The following TAF1A variants were observed in gnomAD, a reference collection of about 807,000 sequenced individuals.
TAF1A encodes TATA box-binding protein-associated factor RNA polymerase I subunit A.
A neutral mutation model predicts 61.6 loss-of-function variants in TAF1A; 42 were observed. The ratio of observed to expected loss-of-function variants is 0.68; its 90% CI spans 0.53 to 0.88. The LOEUF is 0.88. Among genes scored for constraint, TAF1A ranks in the 40% least tolerant of loss-of-function variants. The probability of loss-of-function intolerance (pLI) is 0.00; values close to 1 mark genes in which losing one functional copy is unlikely to be tolerated. For missense variants in TAF1A, 424 were observed against 518.7 expected (o/e 0.82, Z 1.77); for synonymous variants, 179 against 177.7 (o/e 1.01, Z -0.06).
rs201355467 is a variant in TAF1A at position 222,585,349 on chromosome 1, TA to T, written c.122-1053del. Among the ~76,000 whole-genome samples, 1,159 of 151,146 alleles carry T rather than the reference TA, an allele frequency of 7.7e-3. 10 individuals are homozygous for T. The highest frequency in any genetic ancestry group is 0.027 in the African/African-American group (1,100 of 41,098). ...AAGGTTTCTCAGAATTTATGTCAAT[TA>T]AAAAAAATAGCAGAATCAATGCTAA... On this transcript the variant is annotated intron_variant, in intron 2 of 10. Transcript: ENST00000352967.
chr1:222,568,691 T>C (rs1276817364), intron 7 of TAF1A: 1 of 152,220 alleles, frequency 6.6e-6, no homozygotes, highest in Non-Finnish European at 1.5e-5. Context: ...AGCTGGGCAG[T>C]TTCTTAGGAA....
Position 222,569,688 on chromosome 1 carries a change from A to G in TAF1A, c.736-20T>C, listed in dbSNP as rs1191922917. ...CAGCATCTATATAAAATAAATCATA[A>G]TATCTTAGCTGAATTCTGTAAGACA... On this transcript the variant is annotated intron_variant, in intron 6 of 10. Coordinates refer to ENST00000352967, the MANE Select transcript of TAF1A (RefSeq NM_005681.4). 9 of 1,597,452 alleles carry G rather than the reference A, an allele frequency of 5.6e-6. No individual in the cohort carries two copies. The highest frequency in any genetic ancestry group is 6.8e-6 in the Non-Finnish European group (8 of 1,173,790).
At chr1:222,577,392 T>TCCCTCTGC in intron 5 of TAF1A, 53 bp downstream of exon 5, 1 of 1,451,776 alleles carries the variant, frequency 6.9e-7, no homozygotes, top group Non-Finnish European at 9.6e-7. Flanking sequence ...CTCCTTAAGA[T>TCCCTCTGC]CCCTCTGCCC....
At chr1:222,564,011 A>T (rs764175181) in intron 8 of TAF1A, 48 bp downstream of exon 8, 33 of 1,172,848 alleles carry the variant, frequency 2.8e-5, no homozygotes, top group Non-Finnish European at 4.1e-5. Flanking sequence ...GCTGGTCCCT[A>T]GTCTATAGCT....
At chr1:222,577,402 C>T (rs3008644) in intron 5 of TAF1A, 43 bp downstream of exon 5, 198,395 of 1,518,688 alleles carry the variant, frequency 0.13, 13,719 homozygotes, top group East Asian at 0.14. Flanking sequence ...TCCCTCTGCC[C>T]CTCAGTCTCA....
At chr1:222,583,456 AAG>A (rs1192459417) in intron 3 of TAF1A, among the ~76,000 whole-genome samples, 1 of 152,160 alleles carries the variant, frequency 6.6e-6, no homozygotes, top group Non-Finnish European at 1.5e-5. Flanking sequence ...TAGTTGGAAA[AAG>A]AGAACAACTC....
rs746134851 is a variant in TAF1A at position 222,588,426 on chromosome 1, G to GTTA, written c.121+14_121+16dup. ...CTCCTTAAAGTTAAAATGGCTCAAT[G>GTTA]TTATTATTTTACTTACCCACAGTTT... On this transcript the variant is annotated intron_variant, in intron 2 of 10. Transcript: ENST00000352967. 13 of 1,610,058 alleles carry GTTA rather than the reference G, an allele frequency of 8.1e-6. No homozygotes were observed. The African/African-American group carries it at 1.6e-4, about 20-fold the overall frequency.
In TAF1A at chr1:222,569,548, G is replaced by C; in HGVS notation, c.856C>G (p.Gln286Glu). Residue 286 changes from glutamine (Q) to glutamate (E), a missense_variant, in exon 7 of 11, where the codon CAG (glutamine) becomes GAG (glutamate). Physicochemically the swap from Gln to Glu is conservative, Grantham distance 29 (BLOSUM62 2). Coordinates refer to ENST00000352967, the MANE Select transcript of TAF1A (RefSeq NM_005681.4). ...ATCAATTTTGATCTTGGTGCCTTCT[G>C]TCTCTTTAGAAAGTTGTATAAGTAG... The part of the protein sequence containing the change: ...HIYLYNFLKR[Q>E]KAPRSKLISV... 2 of 1,613,968 alleles carry C rather than the reference G, an allele frequency of 1.2e-6. No homozygotes were observed. Among genetic ancestry groups the C allele is most frequent in the Non-Finnish European group, 1.7e-6 (2 of 1,179,948 alleles).
intron 1 of TAF1A, 47 bp from the exon 2 acceptor site, chr1:222,588,612 C>G (rs202222135): frequency 6.3e-7 from 1 of 1,593,622 alleles, no homozygotes; most frequent in Non-Finnish European, 8.5e-7. Context: ...TCTTAATCCA[C>G]AGTCTTCTGA....
chr1:222,589,213 G>C (rs1201151662), intron 1 of TAF1A, among the ~76,000 whole-genome samples: 1 of 152,136 alleles, frequency 6.6e-6, no homozygotes, highest in Non-Finnish European at 1.5e-5. Context: ...TACTCCTAAA[G>C]ATGCTCAGGG....
chr1:222,584,071 T>C (rs553064863), intron 3 of TAF1A, 57 bp downstream of exon 3: 34 of 1,565,618 alleles, frequency 2.2e-5, no homozygotes, highest in Non-Finnish European at 2.8e-5. Context: ...GGTGAAGCTG[T>C]AGGCATAAAC....
intron 3 of TAF1A, among the ~76,000 whole-genome samples, chr1:222,583,877 T>A (rs1660902981): frequency 1.3e-5 from 2 of 150,748 alleles, no homozygotes; most frequent in Admixed American, 1.3e-4. Flanking sequence ...AATTTTTACA[T>A]GATGATGGGA....
chr1:222,557,536 C>T (rs567534862), downstream of TAF1A, among the ~76,000 whole-genome samples: 116 of 152,258 alleles, frequency 7.6e-4, no homozygotes, highest in Admixed American at 1.0e-3. Flanking sequence ...CTGCAGCCTC[C>T]GCTTCCCAGT....
chr1:222,576,419 A>G (rs1386189910), intron 5 of TAF1A, among the ~76,000 whole-genome samples: 2 of 152,266 alleles, frequency 1.3e-5, no homozygotes, highest in Non-Finnish European at 2.9e-5. Context: ...GATAAATAGT[A>G]GGACTAAGAT....
At chr1:222,561,296 A>T (rs1033542557) in intron 10 of TAF1A, 68 bp downstream of exon 10, 3 of 1,492,184 alleles carry the variant, frequency 2.0e-6, no homozygotes, top group Non-Finnish European at 2.7e-6. Context: ...CTCTAAATGA[A>T]GGCCATACTT....
chr1:222,564,406 A>G (rs573218131), intron 7 of TAF1A, among the ~76,000 whole-genome samples: 2 of 151,884 alleles, frequency 1.3e-5, no homozygotes, highest in East Asian at 3.9e-4. Flanking sequence ...CTCCTTATAC[A>G]TATCTATACT....
chr1:222,588,044 T>C (rs1023124413), intron 2 of TAF1A, among the ~76,000 whole-genome samples: 4 of 146,960 alleles, frequency 2.7e-5, no homozygotes, highest in African/African-American at 9.9e-5. Flanking sequence ...CAAGACTCTG[T>C]CTCAAAAAAA....
At chr1:222,569,188 A>G in intron 7 of TAF1A, 3 of 1,044,910 alleles carry the variant, frequency 2.9e-6, no homozygotes, top group Non-Finnish European at 3.6e-6. Context: ...ATCCAAGCAC[A>G]TACTTAAAAT....
At chr1:222,569,319 G>A in intron 7 of TAF1A, 191 bp downstream of exon 7, 6 of 1,515,960 alleles carry the variant, frequency 4.0e-6, no homozygotes, top group Non-Finnish European at 5.3e-6. Flanking sequence ...GTCTCATCCG[G>A]GCAGCAGGGG....
Sources: gnomAD v4.1 joint callset for allele counts (sites outside exome capture counted in the v4.1 genomes callset) on GRCh38, gnomAD v4.1.1 for gene constraint, MANE v1.5 for transcripts, NCBI Gene and HGNC (gene_info 2026-07-23, HGNC 2026-07-21) for gene names.